SHTN1: variants seen among roughly 807,000 people sequenced by gnomAD.
The protein encoded by SHTN1 is shootin 1, also known as shootin-1.
A neutral mutation model predicts 83.1 loss-of-function variants in SHTN1; 42 were observed. That is an observed-to-expected ratio of 0.51 (90% CI 0.39 to 0.65). The LOEUF (loss-of-function observed/expected upper bound fraction) is 0.65. SHTN1 is among the 30% of genes least tolerant of loss of function. The pLI is 0.00. For synonymous variants in SHTN1, 224 were observed against 247.7 expected (o/e 0.90, Z 0.90); for missense variants, 622 against 737.8 (o/e 0.84, Z 1.82).
chr10:117,116,444 G>T (rs1853849510), intron 1 of SHTN1, among the ~76,000 whole-genome samples: 1 of 151,980 alleles, frequency 6.6e-6, no homozygotes, highest in Non-Finnish European at 1.5e-5. Context: ...TCAAAGAAAA[G>T]CCCTGAACCT....
chr10:117,081,299 G>T (rs1589923978), intron 1 of SHTN1, among the ~76,000 whole-genome samples: 4 of 151,090 alleles, frequency 2.6e-5, no homozygotes, highest in South Asian at 2.1e-4. Flanking sequence ...TAATCATGTG[G>T]TTTTTGTCTT....
chr10:117,061,314 A>T (rs371369459), intron 1 of SHTN1, among the ~76,000 whole-genome samples: 1 of 150,334 alleles, frequency 6.7e-6, no homozygotes, highest in African/African-American at 2.5e-5. Flanking sequence ...CTCCTGCCTC[A>T]GCCTCCCGAG....
intron 1 of SHTN1, among the ~76,000 whole-genome samples, chr10:117,096,200 T>C (rs1853501279): frequency 6.6e-6 from 1 of 152,250 alleles, no homozygotes. Context: ...GATTTGGTTA[T>C]TGTGCTTAAA....
At chr10:116,920,353 T>C (rs1418198651) in intron 12 of SHTN1, among the ~76,000 whole-genome samples, 1 of 152,178 alleles carries the variant, frequency 6.6e-6, no homozygotes, top group African/African-American at 2.4e-5. Flanking sequence ...AGCCATTTGC[T>C]GGCTCTGCTC....
At chr10:117,085,472 C>G (rs1853336503) in intron 1 of SHTN1, among the ~76,000 whole-genome samples, 1 of 152,140 alleles carries the variant, frequency 6.6e-6, no homozygotes, top group African/African-American at 2.4e-5. Context: ...TTACCGATTT[C>G]TAGTTTAATT....
At chr10:117,061,133 GTCTTTTTTTTTTTTTT>G (rs1482109516) in intron 1 of SHTN1, among the ~76,000 whole-genome samples, 15 of 137,256 alleles carry the variant, frequency 1.1e-4, no homozygotes, top group South Asian at 2.5e-4. Flanking sequence ...TGAAGCTTTA[GTCTTTTTTTTTTTTTT>G]TCTTTTTTTT....
chr10:117,054,082 T>C (rs925549453), intron 1 of SHTN1, among the ~76,000 whole-genome samples: 3 of 152,124 alleles, frequency 2.0e-5, no homozygotes, highest in African/African-American at 7.2e-5. Context: ...CAGTGCAAAC[T>C]AGAAATACTA....
chr10:116,943,645 C>G (rs1259000782), intron 8 of SHTN1, among the ~76,000 whole-genome samples: 1 of 152,184 alleles, frequency 6.6e-6, no homozygotes, highest in African/African-American at 2.4e-5. Context: ...TCTACTTGGC[C>G]TAAACCTTCG....
chr10:116,993,727 G>A (rs973591739), intron 1 of SHTN1, among the ~76,000 whole-genome samples: 21 of 151,962 alleles, frequency 1.4e-4, no homozygotes, highest in African/African-American at 4.8e-4. Flanking sequence ...AGATACAGCA[G>A]GATAAGAGTT....
intron 1 of SHTN1, among the ~76,000 whole-genome samples, chr10:117,122,024 C>T (rs1440659646): frequency 6.6e-6 from 1 of 151,720 alleles, no homozygotes; most frequent in Non-Finnish European, 1.5e-5. Context: ...ACAGCAAGAC[C>T]CCATCTCAAA....
chr10:117,079,316 T>C (rs2133609864), intron 1 of SHTN1, among the ~76,000 whole-genome samples: 1 of 138,140 alleles, frequency 7.2e-6, no homozygotes, highest in East Asian at 2.2e-4. Flanking sequence ...GATAGTTTAC[T>C]GAGAATGATG....
chr10:117,108,133 T>G (rs1414173482), intron 1 of SHTN1, among the ~76,000 whole-genome samples: 3 of 152,204 alleles, frequency 2.0e-5, no homozygotes, highest in African/African-American at 7.2e-5. Flanking sequence ...GCTGTTTTCT[T>G]AACCACAATT....
chr10:116,955,137 A>G (rs1849936754), intron 4 of SHTN1, among the ~76,000 whole-genome samples: 1 of 148,352 alleles, frequency 6.7e-6, no homozygotes, highest in African/African-American at 2.5e-5. Flanking sequence ...CTACTTTGTT[A>G]ATGTATTTTT....
intron 2 of SHTN1, chr10:116,973,757 T>A: frequency 1.4e-6 from 1 of 693,192 alleles, no homozygotes; most frequent in Admixed American, 2.4e-5. Flanking sequence ...AGAAGTTTAA[T>A]GCTACACCAT....
intron 1 of SHTN1, among the ~76,000 whole-genome samples, chr10:117,078,117 C>A (rs1193584377): frequency 6.6e-6 from 1 of 152,146 alleles, no homozygotes; most frequent in Non-Finnish European, 1.5e-5. Context: ...TCATTATGCC[C>A]AGATCAGCTG....
chr10:116,893,576 G>GCACGCACACACACACACACACA (rs1554905665), intron 16 of SHTN1, among the ~76,000 whole-genome samples: 4 of 123,524 alleles, frequency 3.2e-5, no homozygotes, highest in South Asian at 3.0e-4. Context: ...GCACTCATGT[G>GCACGCACACACACACACACACA]CACACACACA....
At chr10:116,962,329 T>A (rs1850212855) in intron 3 of SHTN1, among the ~76,000 whole-genome samples, 1 of 152,184 alleles carries the variant, frequency 6.6e-6, no homozygotes, top group Non-Finnish European at 1.5e-5. Flanking sequence ...TATTATTTCC[T>A]TAAAATCCTA....
At chr10:117,003,567 C>T (rs1297347905) in intron 1 of SHTN1, among the ~76,000 whole-genome samples, 1 of 151,872 alleles carries the variant, frequency 6.6e-6, no homozygotes, top group Admixed American at 6.6e-5. Context: ...CACTTCCCAA[C>T]GGTGTCTGTG....
At chr10:116,922,378 C>A (rs1024139418) in intron 11 of SHTN1, among the ~76,000 whole-genome samples, 3 of 151,662 alleles carry the variant, frequency 2.0e-5, no homozygotes, top group African/African-American at 7.3e-5. Flanking sequence ...ATTAATAGTA[C>A]ATTTCACTCT....
Sources: allele counts gnomAD v4.1 joint callset (sites outside exome capture counted in the v4.1 genomes callset), GRCh38; gene constraint gnomAD v4.1.1; transcripts MANE v1.5; gene names NCBI Gene and HGNC (gene_info 2026-07-23, HGNC 2026-07-21).